Variants in CHN2 observed in about 807,000 individuals in gnomAD.
The protein encoded by CHN2 is chimerin 2.
In CHN2, 35 loss-of-function variants were observed where a neutral mutation model predicts 56.3. The observed-to-expected ratio is 0.62, with a 90% CI of 0.47 to 0.82. The LOEUF is 0.82. Ranked by LOEUF, CHN2 falls within the 40% of genes least tolerant of loss-of-function variation. The pLI, the probability that CHN2 is intolerant of heterozygous loss-of-function variation, is 0.00. For synonymous variants in CHN2, 210 were observed against 212.8 expected, an observed-to-expected ratio of 0.99 and a Z score of 0.12; for missense variants, 491 against 580.5, an observed-to-expected ratio of 0.85 and a Z score of 1.58.
At chr7:29,368,332 A>C (rs1799335725) in intron 3 of CHN2, among the ~76,000 whole-genome samples, 1 of 152,204 alleles carries the variant, frequency 6.6e-6, no homozygotes, top group African/African-American at 2.4e-5. Context: ...CAGTAGAGAA[A>C]GTACAGGGAA....
chr7:29,387,301 T>A (rs530653471), intron 3 of CHN2, among the ~76,000 whole-genome samples: 10 of 152,130 alleles, frequency 6.6e-5, no homozygotes, highest in Non-Finnish European at 1.5e-4. Flanking sequence ...TACTGAAAAT[T>A]GAGAAAAATG....
intron 1 of CHN2, among the ~76,000 whole-genome samples, chr7:29,208,613 G>A (rs78635443): frequency 0.021 from 3,259 of 152,106 alleles, 120 homozygotes; most frequent in African/African-American, 0.07. Flanking sequence ...CTAATGTCAC[G>A]GGCTAAGCCA....
At chr7:29,204,756 G>A (rs956856417) in intron 1 of CHN2, among the ~76,000 whole-genome samples, 12 of 152,152 alleles carry the variant, frequency 7.9e-5, no homozygotes, top group Non-Finnish European at 1.8e-4. Context: ...TTGGTCTCAG[G>A]AGAGCCCGAG....
In CHN2 at chr7:29,350,289, A is replaced by T. The variant is rs991409954; in HGVS notation, c.50-4336A>T. On this transcript the variant is annotated intron_variant, in intron 1 of 12. Coordinates refer to ENST00000222792, the MANE Select transcript of CHN2 (RefSeq NM_004067.4). Reference sequence around the variant, plus strand: ...GTGAACTAAATGACCTTGAAAACCTATTTTTTTTTTAAGTGTCAGCCTATC... The same window carrying T: ...GTGAACTAAATGACCTTGAAAACCTTTTTTTTTTTTAAGTGTCAGCCTATC... Among the ~76,000 whole-genome samples, 6 of 149,332 alleles carry T rather than the reference A, an allele frequency of 4.0e-5. No individual in the cohort carries two copies. The East Asian group carries it at 5.9e-4, about 15-fold the overall frequency.
At chr7:29,365,012 A>T (rs1211206261) in intron 2 of CHN2, among the ~76,000 whole-genome samples, 1 of 152,184 alleles carries the variant, frequency 6.6e-6, no homozygotes, top group Non-Finnish European at 1.5e-5. Context: ...TGTGTATTTT[A>T]CAGTGCTCTT....
intron 2 of CHN2, among the ~76,000 whole-genome samples, chr7:29,158,017 T>G (rs1269052731): frequency 3.9e-5 from 6 of 152,194 alleles, no homozygotes. Flanking sequence ...TGTTATCATT[T>G]AGCCCAGAAA....
intron 3 of CHN2, among the ~76,000 whole-genome samples, chr7:29,373,337 T>G (rs1255513815): frequency 6.6e-6 from 1 of 152,076 alleles, no homozygotes; most frequent in African/African-American, 2.4e-5. Context: ...CCACTGCACC[T>G]GGCTCATTTT....
In CHN2 at chr7:29,508,408, T is replaced by C. The variant is rs552757516; in HGVS notation, c.1130-893T>C. Among the ~76,000 whole-genome samples, 8 of 113,446 alleles carry C rather than the reference T, an allele frequency of 7.1e-5. 1 individual carries two copies. The highest frequency in any genetic ancestry group is 2.8e-4 in the African/African-American group (8 of 28,186). The allele number at this position is 113,446 out of a possible 152,430, so 74.4% of individuals were successfully genotyped here. A position where few individuals can be genotyped will look rare whatever the true frequency, so the allele number is the denominator to read the frequency against. ...AGTTTTTGCTTGTTGTTGTTGTTGT[T>C]GTTTTTATTTAAAAAAAAAAAAAAA... On this transcript the variant is annotated intron_variant, in intron 11 of 12. Coordinates refer to ENST00000222792, the MANE Select transcript of CHN2 (RefSeq NM_004067.4).
chr7:29,311,762 A>G (rs1249714648), intron 1 of CHN2, among the ~76,000 whole-genome samples: 1 of 152,218 alleles, frequency 6.6e-6, no homozygotes. Context: ...TAGGAATCTC[A>G]TAATAAACAC....
At chr7:29,234,338 G>T (rs578234739) in intron 1 of CHN2, among the ~76,000 whole-genome samples, 3 of 152,178 alleles carry the variant, frequency 2.0e-5, no homozygotes, top group Non-Finnish European at 4.4e-5. Context: ...TGGTAATGAC[G>T]TAATGTCTGG....
At chr7:29,311,226 T>G (rs1794580143) in intron 1 of CHN2, among the ~76,000 whole-genome samples, 1 of 152,176 alleles carries the variant, frequency 6.6e-6, no homozygotes, top group Non-Finnish European at 1.5e-5. Flanking sequence ...TGGCTTTCAC[T>G]TACACCGTTC....
intron 2 of CHN2, among the ~76,000 whole-genome samples, chr7:29,155,347 A>G (rs999282014): frequency 6.6e-6 from 1 of 152,250 alleles, no homozygotes; most frequent in African/African-American, 2.4e-5. Context: ...AAGAGGAAAG[A>G]CAAGGCTGAG....
At chr7:29,374,137 G>C (rs1799839352) in intron 3 of CHN2, among the ~76,000 whole-genome samples, 1 of 151,962 alleles carries the variant, frequency 6.6e-6, no homozygotes, top group Non-Finnish European at 1.5e-5. Context: ...GACTTTCTCT[G>C]CTTGTCTCTT....
chr7:29,208,523 G>A lies in CHN2; in HGVS notation c.49+13533G>A, dbSNP rs927761326. Among the ~76,000 whole-genome samples, 4 of 152,136 alleles carry A rather than the reference G, an allele frequency of 2.6e-5. No homozygotes were observed. The East Asian group carries it at 5.8e-4, about 22-fold the overall frequency. ...TGGGCACCCTATGACAGCAGCACACGTGGGGATGATATTGTGCCTTGCGCT... is the reference window on the plus strand; with the variant it reads ...TGGGCACCCTATGACAGCAGCACACATGGGGATGATATTGTGCCTTGCGCT... On this transcript the variant is annotated intron_variant, in intron 1 of 12. Coordinates refer to ENST00000222792, the MANE Select transcript of CHN2 (RefSeq NM_004067.4).
chr7:29,247,663 G>A (rs929436212), intron 1 of CHN2, among the ~76,000 whole-genome samples: 7 of 152,182 alleles, frequency 4.6e-5, no homozygotes, highest in African/African-American at 1.7e-4. Flanking sequence ...AAGCCTCACC[G>A]CCCCGATGGT....
intron 1 of CHN2, among the ~76,000 whole-genome samples, chr7:29,330,953 G>T (rs866673720): frequency 6.6e-6 from 1 of 152,144 alleles, no homozygotes; most frequent in Non-Finnish European, 1.5e-5. Context: ...TTTAAACATC[G>T]CAGTGGGGAG....
At chr7:29,325,061 GCACCA>G (rs1233404252) in intron 1 of CHN2, among the ~76,000 whole-genome samples, 1 of 152,018 alleles carries the variant, frequency 6.6e-6, no homozygotes, top group Non-Finnish European at 1.5e-5. Context: ...GGCTCCTAGG[GCACCA>G]CCATTTTTGA....
chr7:29,421,014 T>C (rs10247920), intron 6 of CHN2, among the ~76,000 whole-genome samples: 20 of 152,308 alleles, frequency 1.3e-4, no homozygotes, highest in African/African-American at 4.8e-4. Flanking sequence ...TTGGCCAGGC[T>C]GATCTTGAGC....
At chr7:29,179,075 G>A (rs1435813431) in intron 2 of CHN2, among the ~76,000 whole-genome samples, 1 of 152,124 alleles carries the variant, frequency 6.6e-6, no homozygotes, top group Non-Finnish European at 1.5e-5. Context: ...CAGAAAACAG[G>A]AGGTGATCCT....
Sources: gnomAD v4.1 joint callset for allele counts (sites outside exome capture counted in the v4.1 genomes callset) on GRCh38, gnomAD v4.1.1 for gene constraint, MANE v1.5 for transcripts, NCBI Gene and HGNC (gene_info 2026-07-23, HGNC 2026-07-21) for gene names.